SFI1: variants seen among roughly 807,000 people sequenced by gnomAD.
SFI1 encodes SFI1 centrin binding protein, also known as protein SFI1 homolog.
SFI1 carries 195 observed loss-of-function variants against 207.5 expected under a neutral mutation model. The ratio of observed to expected loss-of-function variants is 0.94; its 90% CI spans 0.84 to 1.06. The LOEUF (loss-of-function observed/expected upper bound fraction) is 1.06. Ranked by LOEUF, SFI1 falls within the 50% of genes least tolerant of loss-of-function variation. The pLI, the probability that SFI1 is intolerant of heterozygous loss-of-function variation, is 0.00. For synonymous variants in SFI1, 630 were observed against 598.9 expected (o/e 1.05, Z -0.76); for missense variants, 1,634 against 1,588.0 (o/e 1.03, Z -0.49).
At chr22:31,519,865 T>C (rs570825632) in intron 2 of SFI1, among the ~76,000 whole-genome samples, 7 of 152,216 alleles carry the variant, frequency 4.6e-5, no homozygotes, top group African/African-American at 9.6e-5. Context: ...AGTCACTGCC[T>C]GGCCAAAAGT....
At chr22:31,502,049 A>C (rs1189690123) in intron 1 of SFI1, among the ~76,000 whole-genome samples, 2 of 152,180 alleles carry the variant, frequency 1.3e-5, no homozygotes, top group Non-Finnish European at 2.9e-5. Context: ...ACTCTAGCCA[A>C]CCTTGACCCT....
chr22:31,577,532 G>T (rs1215405878), intron 10 of SFI1, among the ~76,000 whole-genome samples: 1 of 152,084 alleles, frequency 6.6e-6, no homozygotes, highest in Admixed American at 6.6e-5. Flanking sequence ...CTCAGCCTAC[G>T]AAGTAGGTGA....
intron 4 of SFI1, among the ~76,000 whole-genome samples, chr22:31,532,908 G>C (rs975326524): frequency 6.6e-6 from 1 of 152,192 alleles, no homozygotes; most frequent in Non-Finnish European, 1.5e-5. Flanking sequence ...AGGGAATTGG[G>C]GTGGTTTAAG....
intron 7 of SFI1, among the ~76,000 whole-genome samples, chr22:31,559,023 T>G (rs1211730051): frequency 4.6e-5 from 7 of 151,314 alleles, no homozygotes; most frequent in Non-Finnish European, 8.8e-5. Flanking sequence ...GCCAGGCTGG[T>G]CTTGAACTCC....
intron 10 of SFI1, among the ~76,000 whole-genome samples, chr22:31,576,343 CAG>C (rs1271262246): frequency 3.0e-5 from 4 of 134,052 alleles, no homozygotes; most frequent in Non-Finnish European, 4.8e-5. Context: ...TTTTTTGAGA[CAG>C]AGTCTCGCTC....
At chr22:31,506,642 G>T (rs2054686741) in intron 1 of SFI1, among the ~76,000 whole-genome samples, 1 of 152,088 alleles carries the variant, frequency 6.6e-6, no homozygotes. Flanking sequence ...TTCTTAAGCT[G>T]ATAACCAACC....
In SFI1 at chr22:31,618,385, C is replaced by G. The variant is rs1404621465; in HGVS notation, c.3696C>G (p.Ala1232=). ...AQRQPIGACV[A]RIQALRQALC Reference sequence around the variant, plus strand: ...GCCAGCCCATTGGCGCCTGCGTTGCCCGCATCCAGGCCCTGCGGCAGGCCC... The same window carrying G: ...GCCAGCCCATTGGCGCCTGCGTTGCGCGCATCCAGGCCCTGCGGCAGGCCC... The change falls in exon 33 of 33, where the codon GCC becomes GCG. Residue 1232 remains alanine (A), a synonymous_variant. Transcript: ENST00000400288. 3.7e-6 allele frequency: 6 copies of G among 1,603,940 alleles called. No homozygotes were observed. The highest frequency in any genetic ancestry group is 5.1e-6 in the Non-Finnish European group (6 of 1,174,148).
rs1569473748 is a variant in SFI1, at chr22:31,616,889, G to C, written c.3433+12G>C. The C allele has an allele frequency of 6.2e-7, 1 of 1,607,802 alleles. No homozygotes were observed. The highest frequency in any genetic ancestry group is 2.2e-5 in the East Asian group (1 of 44,860). On this transcript the variant is annotated intron_variant, in intron 30 of 32. Transcript: ENST00000400288. ...ACTTTCAACTGCAGGTGTGTACCTGGGGCCTGTCAGGGCAGAAAGCACTCA... is the reference window on the plus strand; with the variant it reads ...ACTTTCAACTGCAGGTGTGTACCTGCGGCCTGTCAGGGCAGAAAGCACTCA...
chr22:31,551,442 C>T (rs773734785), intron 6 of SFI1, among the ~76,000 whole-genome samples: 6 of 152,192 alleles, frequency 3.9e-5, no homozygotes, highest in Non-Finnish European at 8.8e-5. Flanking sequence ...ATGAGAAGCT[C>T]TTACCCAAGC....
In SFI1 at chr22:31,547,756, A is replaced by T. The variant is rs546485687; in HGVS notation, c.449+785A>T. Among the ~76,000 whole-genome samples, 4 of 151,136 alleles carry T rather than the reference A, an allele frequency of 2.6e-5. No individual in the cohort carries two copies. The East Asian group carries it at 8.0e-4, about 30-fold the overall frequency. On this transcript the variant is annotated intron_variant, in intron 5 of 32. Transcript: ENST00000400288. ...TGCCTGAGCCTCCCTAGTAGCTGGG[A>T]TTACAGGCATGTGCCACCACGCCTG...
chr22:31,580,434 TGCCAAATTAA>T, intron 12 of SFI1, 70 bp downstream of exon 12: 1 of 1,342,178 alleles, frequency 7.5e-7, no homozygotes, highest in Non-Finnish European at 1.0e-6. Context: ...TTTTCAGTCT[TGCCAAATTAA>T]GCAGAACTCT....
At chr22:31,586,020 G>A (rs1049949395) in intron 14 of SFI1, among the ~76,000 whole-genome samples, 1 of 152,062 alleles carries the variant, frequency 6.6e-6, no homozygotes, top group African/African-American at 2.4e-5. Flanking sequence ...ATAGTTTGGG[G>A]ATAGAATCCA....
At chr22:31,563,382 A>G (rs779685918) in intron 8 of SFI1, among the ~76,000 whole-genome samples, 11 of 152,150 alleles carry the variant, frequency 7.2e-5, no homozygotes, top group Admixed American at 1.3e-4. Context: ...GGAAAATGCT[A>G]TAAATGCAGG....
chr22:31,572,433 G>A (rs1040843177), intron 8 of SFI1, among the ~76,000 whole-genome samples: 6 of 152,070 alleles, frequency 3.9e-5, no homozygotes, highest in Admixed American at 3.9e-4. Context: ...TGGAAGAAAA[G>A]GCAGACCCTC....
intron 28 of SFI1, 49 bp from the exon 29 acceptor site, chr22:31,614,999 A>G (rs1258208862): frequency 3.1e-6 from 5 of 1,592,754 alleles, no homozygotes; most frequent in Non-Finnish European, 2.6e-6. Context: ...CTTTGGTCCC[A>G]GAGGAGGGTC....
At chr22:31,554,363 C>T (rs1027552353) in intron 6 of SFI1, among the ~76,000 whole-genome samples, 2 of 151,952 alleles carry the variant, frequency 1.3e-5, no homozygotes, top group African/African-American at 4.8e-5. Flanking sequence ...GGCTGGAGTG[C>T]AGTGGCACGA....
At chr22:31,595,895 A>G (rs1569427011) in intron 15 of SFI1, among the ~76,000 whole-genome samples, 1 of 152,224 alleles carries the variant, frequency 6.6e-6, no homozygotes, top group Non-Finnish European at 1.5e-5. Context: ...AGTGTACTTT[A>G]TCTTAGGACA....
chr22:31,571,460 A>C (rs1190956818), intron 8 of SFI1, among the ~76,000 whole-genome samples: 2 of 149,250 alleles, frequency 1.3e-5, no homozygotes, highest in African/African-American at 4.9e-5. Flanking sequence ...CTACAGGTAC[A>C]CACCACCATG....
chr22:31,560,702 C>CTT (rs760344163), intron 7 of SFI1, among the ~76,000 whole-genome samples: 4 of 125,122 alleles, frequency 3.2e-5, no homozygotes, highest in South Asian at 2.5e-4. Context: ...CACGCCTGGC[C>CTT]TTTTTTTTTT....
Sources: allele counts gnomAD v4.1 joint callset (sites outside exome capture counted in the v4.1 genomes callset), GRCh38; gene constraint gnomAD v4.1.1; transcripts MANE v1.5; gene names NCBI Gene and HGNC (gene_info 2026-07-23, HGNC 2026-07-21).